SETBP1: variants seen among roughly 807,000 people sequenced by gnomAD.
SETBP1 encodes the protein SET binding protein 1.
Under a neutral mutation model 101.0 loss-of-function variants are expected in SETBP1, and 9 were observed. That is an observed-to-expected ratio of 0.09 (90% CI 0.05 to 0.16). SETBP1 has a LOEUF of 0.16. SETBP1 is among the 10% of genes least tolerant of loss of function. The probability of loss-of-function intolerance (pLI) is 1.00; values close to 1 mark genes in which losing one functional copy is unlikely to be tolerated. For missense variants in SETBP1, 1,858 were observed against 2,033.8 expected (o/e 0.91, Z 1.66); for synonymous variants, 818 against 788.5 (o/e 1.04, Z -0.63).
At chr18:44,965,396 G>A (rs2071701080) in intron 4 of SETBP1, among the ~76,000 whole-genome samples, 1 of 151,928 alleles carries the variant, frequency 6.6e-6, no homozygotes, top group Admixed American at 6.6e-5. Context: ...TAGAGAGAAG[G>A]CACTTGCTAT....
At position 44,949,832 on chromosome 18, in the gene SETBP1, TTG is replaced by T. The variant is rs973243200; in HGVS notation, c.541-47_541-46del. The T allele has an allele frequency of 3.5e-6, 5 of 1,438,054 alleles. No homozygotes were observed. The African/African-American group carries it at 7.0e-5, about 20-fold the overall frequency. The allele number at this position is 1,438,054 out of a possible 1,614,324, so 89.1% of individuals were successfully genotyped here. A position where few individuals can be genotyped will look rare whatever the true frequency, so the allele number is the denominator to read the frequency against. On this transcript the variant is annotated intron_variant, in intron 3 of 5. Coordinates refer to ENST00000649279, the MANE Select transcript of SETBP1 (RefSeq NM_015559.3). ...TTAAGTAGCTTCAACATGCTCATCT[TTG>T]TTTCTCTCTCTCTGTCTCTCTCCCT...
At position 44,822,909 on chromosome 18, in the gene SETBP1, G is replaced by A. The variant is rs905386051; in HGVS notation, c.487-46321G>A. Among the ~76,000 whole-genome samples the A allele has an allele frequency of 3.9e-5, 6 of 152,180 alleles. No individual in the cohort carries two copies. The South Asian group carries it at 8.3e-4, about 21-fold the overall frequency. On this transcript the variant is annotated intron_variant, in intron 2 of 5. Transcript: ENST00000649279. ...GCTCACACCTGTACTTTGGGAGGCCGAGGTGGGCGGATCACCAGAGGGTCA... is the reference window on the plus strand; with the variant it reads ...GCTCACACCTGTACTTTGGGAGGCCAAGGTGGGCGGATCACCAGAGGGTCA...
At chr18:44,876,930 C>T in intron 3 of SETBP1, 1 of 1,361,758 alleles carries the variant, frequency 7.3e-7, no homozygotes. Flanking sequence ...AAAGATCCAG[C>T]TTCACAATGC....
chr18:45,011,915 T>G (rs2072846924), intron 4 of SETBP1, among the ~76,000 whole-genome samples: 1 of 152,172 alleles, frequency 6.6e-6, no homozygotes, highest in South Asian at 2.1e-4. Context: ...CTTATTGCTG[T>G]GGTTGTCGAT....
chr18:44,813,696 T>A (rs1222773536), intron 2 of SETBP1, among the ~76,000 whole-genome samples: 1 of 152,228 alleles, frequency 6.6e-6, no homozygotes, highest in Non-Finnish European at 1.5e-5. Flanking sequence ...GGATCCAGCT[T>A]GTATTCAGGA....
chr18:45,001,835 T>G (rs184679649), intron 4 of SETBP1, among the ~76,000 whole-genome samples: 1 of 152,232 alleles, frequency 6.6e-6, no homozygotes, highest in Admixed American at 6.5e-5. Context: ...ACCTTCATGC[T>G]CGGTTAACTC....
intron 3 of SETBP1, among the ~76,000 whole-genome samples, chr18:44,912,793 G>A (rs1020706883): frequency 5.9e-5 from 9 of 152,204 alleles, no homozygotes; most frequent in African/African-American, 1.2e-4. Flanking sequence ...GTGTACACAA[G>A]CAGTCAGTTA....
intron 3 of SETBP1, chr18:44,871,318 T>G (rs1025355303): frequency 1.3e-5 from 2 of 152,282 alleles, no homozygotes; most frequent in African/African-American, 4.8e-5. Flanking sequence ...CCAGCCCCAC[T>G]GCACCAAACT....
chr18:44,747,840 GT>G (rs2144516919), intron 2 of SETBP1, among the ~76,000 whole-genome samples: 1 of 152,306 alleles, frequency 6.6e-6, no homozygotes, highest in African/African-American at 2.4e-5. Context: ...GTGTGGTTGA[GT>G]TTATGTTGTT....
chr18:44,739,140 C>G (rs2070044279), intron 2 of SETBP1, among the ~76,000 whole-genome samples: 3 of 152,186 alleles, frequency 2.0e-5, no homozygotes, highest in Admixed American at 1.3e-4. Flanking sequence ...TGCTCTTCCA[C>G]TTTTAAGGAC....
In SETBP1 at chr18:44,952,379, G is replaced by C; in HGVS notation, c.3039G>C (p.Leu1013Phe). ...TCTATCTTCGTAGGACTTCAGACTTGAAGTCAAAGAAGAAGCGTGGTAGGC... is the reference window on the plus strand; with the variant it reads ...TCTATCTTCGTAGGACTTCAGACTTCAAGTCAAAGAAGAAGCGTGGTAGGC... ...PLLYLRRTSD[L>F]KSKKKRGRPA... The change falls in exon 4 of 6, where the codon TTG becomes TTC. Residue 1013 changes from leucine (L) to phenylalanine (F), a missense_variant. Leu to Phe is a conservative substitution (Grantham distance 22). Around this residue, in one of 12 missense-constraint regions of SETBP1, gnomAD observed 255 missense variants for 300.1 expected, o/e 0.85. Transcript: ENST00000649279. 1 of 1,614,078 alleles carries C rather than the reference G, an allele frequency of 6.2e-7. No homozygotes were observed. Among genetic ancestry groups the C allele is most frequent in the Non-Finnish European group, 8.5e-7 (1 of 1,180,022 alleles).
chr18:44,740,497 C>T (rs2070072768), intron 2 of SETBP1, among the ~76,000 whole-genome samples: 1 of 152,180 alleles, frequency 6.6e-6, no homozygotes, highest in Non-Finnish European at 1.5e-5. Flanking sequence ...TGTAAATGCA[C>T]TTTGAAAGTG....
At chr18:44,681,531 C>T (rs1280302239) in intron 1 of SETBP1, among the ~76,000 whole-genome samples, 1 of 142,418 alleles carries the variant, frequency 7.0e-6, no homozygotes, top group East Asian at 2.3e-4. Flanking sequence ...AGCCCCCCTC[C>T]CCTGCACAGT....
At chr18:45,055,688 A>G (rs1378469548) in intron 5 of SETBP1, among the ~76,000 whole-genome samples, 3 of 152,166 alleles carry the variant, frequency 2.0e-5, no homozygotes, top group African/African-American at 7.2e-5. Flanking sequence ...TACATTGTTG[A>G]CTGTGCTTAA....
chr18:44,863,688 G>A (rs1830003680), intron 2 of SETBP1, among the ~76,000 whole-genome samples: 2 of 152,134 alleles, frequency 1.3e-5, no homozygotes, highest in Non-Finnish European at 2.9e-5. Flanking sequence ...CAAAAGGATG[G>A]TACCTTTGAG....
At chr18:44,736,865 C>T (rs1283863341) in intron 2 of SETBP1, among the ~76,000 whole-genome samples, 1 of 152,160 alleles carries the variant, frequency 6.6e-6, no homozygotes, top group Non-Finnish European at 1.5e-5. Context: ...GGAAGTGTTT[C>T]ATAAAGCCTA....
chr18:44,991,023 G>A (rs948230347), intron 4 of SETBP1, among the ~76,000 whole-genome samples: 1 of 151,336 alleles, frequency 6.6e-6, no homozygotes, highest in African/African-American at 2.4e-5. Flanking sequence ...GGCCAAGGCA[G>A]GCGGATCACC....
rs571940871 is a variant in SETBP1, at chr18:44,890,074, T to G, written c.540+20791T>G. 6.2e-4 allele frequency among the ~76,000 whole-genome samples: 95 copies of G among 152,250 alleles called. No individual in the cohort carries two copies. In the South Asian group the frequency reaches 0.019, roughly 30 times the overall value. On this transcript the variant is annotated intron_variant, in intron 3 of 5. Coordinates refer to ENST00000649279, the MANE Select transcript of SETBP1 (RefSeq NM_015559.3). ...CTGCATCACCTAACACATTTTTCATTTTTTTGTGATGAGAATATTTAAATT... is the reference window on the plus strand; with the variant it reads ...CTGCATCACCTAACACATTTTTCATGTTTTTGTGATGAGAATATTTAAATT...
intron 4 of SETBP1, among the ~76,000 whole-genome samples, chr18:45,037,290 T>C (rs1271006596): frequency 5.3e-5 from 8 of 152,104 alleles, no homozygotes; most frequent in East Asian, 1.9e-4. Context: ...TGTTTTTGCA[T>C]TGGGGTTGGA....
Sources: allele counts gnomAD v4.1 joint callset (sites outside exome capture counted in the v4.1 genomes callset), GRCh38; gene constraint gnomAD v4.1.1; regional missense constraint gnomAD v4.1.1; transcripts MANE v1.5; gene names NCBI Gene and HGNC (gene_info 2026-07-23, HGNC 2026-07-21).